PRMT3: variants seen among roughly 807,000 people sequenced by gnomAD.
PRMT3 encodes the protein protein arginine methyltransferase 3.
In PRMT3, 62 loss-of-function variants were observed where a neutral mutation model predicts 71.9. The observed-to-expected ratio is 0.86, with a 90% CI of 0.70 to 1.07. The LOEUF is 1.07. Among genes scored for constraint, PRMT3 ranks in the 50% least tolerant of loss-of-function variants. The pLI is 0.00. For synonymous variants in PRMT3, 213 were observed against 220.4 expected (o/e 0.97, Z 0.30); for missense variants, 663 against 643.0 (o/e 1.03, Z -0.34).
chr11:20,447,042 TGATA>T (rs1221583796), intron 10 of PRMT3, among the ~76,000 whole-genome samples: 2 of 152,170 alleles, frequency 1.3e-5, no homozygotes, highest in African/African-American at 4.8e-5. Flanking sequence ...AAGGGTCAAG[TGATA>T]GACTGGGGAA....
intron 15 of PRMT3, 108 bp downstream of exon 15, chr11:20,494,362 G>T (rs565979973): frequency 3.1e-6 from 3 of 965,308 alleles, no homozygotes; most frequent in Non-Finnish European, 4.7e-6. Context: ...TTTTTGAGAC[G>T]GAGTCTCGCT....
intron 9 of PRMT3, among the ~76,000 whole-genome samples, chr11:20,421,507 C>T (rs766725797): frequency 6.6e-6 from 1 of 152,134 alleles, no homozygotes; most frequent in African/African-American, 2.4e-5. Flanking sequence ...ATCATTATCT[C>T]CTTGCCATAT....
intron 10 of PRMT3, among the ~76,000 whole-genome samples, chr11:20,441,736 G>T (rs1342172588): frequency 6.7e-6 from 1 of 149,266 alleles, no homozygotes; most frequent in Non-Finnish European, 1.5e-5. Flanking sequence ...GAAAACCTTG[G>T]TTCCTAAGAT....
At chr11:20,450,404 C>A (rs188127551) in intron 10 of PRMT3, among the ~76,000 whole-genome samples, 26 of 152,166 alleles carry the variant, frequency 1.7e-4, no homozygotes, top group African/African-American at 5.8e-4. Context: ...GTGAAATCTG[C>A]GTGAATATGT....
At position 20,388,122 on chromosome 11, in the gene PRMT3, C is replaced by T. The variant is rs748789646; in HGVS notation, c.132C>T (p.Gly44=). ...AGGACGATGCAGATCTCCCCCACGG[C>T]AAGCAGCAGACCCCCTGCCTGTTCT... ...EDEDDADLPH[G]KQQTPCLFCN... The change falls in exon 2 of 16, where the codon GGC becomes GGT. Residue 44 remains glycine (G), a synonymous_variant. Transcript: ENST00000331079. 5.0e-6 allele frequency: 8 copies of T among 1,613,904 alleles called. No individual in the cohort carries two copies. The highest frequency in any genetic ancestry group is 2.5e-6 in the Non-Finnish European group (3 of 1,180,008).
Position 20,387,848 on chromosome 11 carries a change from C to T in PRMT3, c.28+74C>T, listed in dbSNP as rs766782926. ...GCCGCTGTGGGGCCGGTGGAAGACC[C>T]TCCGGGACACGGGCCCGGGCAGGGT... On this transcript the variant is annotated intron_variant, in intron 1 of 15. Coordinates refer to ENST00000331079, the MANE Select transcript of PRMT3 (RefSeq NM_005788.4). The surrounding 1 kb of genome is among the most constrained non-coding windows in gnomAD (Gnocchi z 4.3). 3.9e-6 allele frequency: 6 copies of T among 1,535,896 alleles called. No individual in the cohort carries two copies. The Admixed American group carries it at 9.8e-5, about 25-fold the overall frequency.
chr11:20,402,801 A>C (rs1848978495), intron 7 of PRMT3, 118 bp from the exon 8 acceptor site: 1 of 608,014 alleles, frequency 1.6e-6, no homozygotes, highest in East Asian at 2.8e-5. Flanking sequence ...TTGGTATCCC[A>C]GGTATAAAAA....
At chr11:20,457,685 G>T (rs1409900513) in intron 11 of PRMT3, among the ~76,000 whole-genome samples, 1 of 152,116 alleles carries the variant, frequency 6.6e-6, no homozygotes, top group Admixed American at 6.6e-5. Flanking sequence ...AAGCATTGTG[G>T]TATTAACACT....
rs1848672792 is a variant in PRMT3 at position 20,389,799 on chromosome 11, A to G, written c.220A>G (p.Asn74Asp). ...FSHCKSEHQFNIDSMVHKHGL... is the reference protein window; with the variant it reads ...FSHCKSEHQFDIDSMVHKHGL... ...ACACTGTAAGTCTGAGCATCAGTTT[A>G]ATATTGACAGCATGGTTCATAAACA... The change falls in exon 3 of 16, where the codon AAT (asparagine) becomes GAT (aspartate). Residue 74 changes from asparagine (N) to aspartate (D), a missense_variant. Transcript: ENST00000331079. The G allele has an allele frequency of 6.8e-6, 11 of 1,611,504 alleles. No individual in the cohort carries two copies. Among genetic ancestry groups the G allele is most frequent in the Non-Finnish European group, 8.5e-6 (10 of 1,177,720 alleles).
rs1850399508 is a variant in PRMT3 at position 20,462,128 on chromosome 11, A to G, written c.1221A>G (p.Leu407=). ...AVIPEAVVEV[L]DPKTLISEPC... is the part of the protein sequence containing the mutation. ...TTCCAGAAGCTGTTGTGGAAGTTTTAGATCCGAAGACTCTTATTTCAGAAC... is the reference window on the plus strand; with the variant it reads ...TTCCAGAAGCTGTTGTGGAAGTTTTGGATCCGAAGACTCTTATTTCAGAAC... The change falls in exon 12 of 16, where the codon TTA becomes TTG. Residue 407 remains leucine (L), a synonymous_variant. Transcript: ENST00000331079. 1 of 1,612,448 alleles carries G rather than the reference A, an allele frequency of 6.2e-7. No homozygotes were observed. The highest frequency in any genetic ancestry group is 1.3e-5 in the African/African-American group (1 of 75,026).
chr11:20,421,689 C>CAA (rs1565205216), intron 9 of PRMT3, among the ~76,000 whole-genome samples: 1 of 152,066 alleles, frequency 6.6e-6, no homozygotes, highest in Non-Finnish European at 1.5e-5. Flanking sequence ...TTTTCAAAAA[C>CAA]CATTGAGTCC....
chr11:20,393,651 G>A (rs1324443203), intron 5 of PRMT3: 1 of 152,130 alleles, frequency 6.6e-6, no homozygotes, highest in Non-Finnish European at 1.5e-5. Flanking sequence ...GAATTAGACT[G>A]TTCTAGCAAA....
At chr11:20,410,567 A>G (rs1168234167) in intron 9 of PRMT3, among the ~76,000 whole-genome samples, 1 of 152,132 alleles carries the variant, frequency 6.6e-6, no homozygotes, top group Non-Finnish European at 1.5e-5. Flanking sequence ...TAAAAATATT[A>G]TTTAAAGATA....
intron 13 of PRMT3, among the ~76,000 whole-genome samples, chr11:20,492,860 C>G (rs1262987827): frequency 6.6e-6 from 1 of 152,166 alleles, no homozygotes; most frequent in Admixed American, 6.5e-5. Flanking sequence ...AGTTCGAGAC[C>G]AGCCTGACCA....
chr11:20,391,108 C>T (rs1279338603), intron 3 of PRMT3, among the ~76,000 whole-genome samples: 1 of 150,270 alleles, frequency 6.7e-6, no homozygotes, highest in Non-Finnish European at 1.5e-5. Flanking sequence ...TAAGAAGGGA[C>T]ATTACTGAAG....
intron 10 of PRMT3, among the ~76,000 whole-genome samples, chr11:20,427,561 C>T (rs367562913): frequency 6.6e-6 from 1 of 152,060 alleles, no homozygotes; most frequent in African/African-American, 2.4e-5. Context: ...CCCATCTCTA[C>T]TAAAAATACA....
intron 13 of PRMT3, among the ~76,000 whole-genome samples, chr11:20,468,738 T>G (rs1381616035): frequency 6.6e-6 from 1 of 152,210 alleles, no homozygotes; most frequent in African/African-American, 2.4e-5. Context: ...GAAATTGGAT[T>G]TTACAAAGTT....
chr11:20,466,864 G>T (rs1850525818), intron 13 of PRMT3, among the ~76,000 whole-genome samples: 2 of 152,100 alleles, frequency 1.3e-5, no homozygotes. Flanking sequence ...ATAGTTACTT[G>T]CTGCATTTGT....
intron 10 of PRMT3, among the ~76,000 whole-genome samples, chr11:20,443,294 T>C (rs978357872): frequency 6.6e-6 from 1 of 152,188 alleles, no homozygotes; most frequent in Non-Finnish European, 1.5e-5. Context: ...CTAAACTGAA[T>C]TGGGGAAATG....
Sources: gnomAD v4.1 joint callset for allele counts (sites outside exome capture counted in the v4.1 genomes callset) on GRCh38, gnomAD v4.1.1 for gene constraint, Gnocchi (gnomAD v3.1) non-coding constraint, MANE v1.5 for transcripts, NCBI Gene and HGNC (gene_info 2026-07-23, HGNC 2026-07-21) for gene names.